Variants in PRDM16 observed in about 807,000 individuals in gnomAD.
PRDM16 encodes histone-lysine N-methyltransferase PRDM16.
Under a neutral mutation model 110.6 loss-of-function variants are expected in PRDM16, and 23 were observed. That is an observed-to-expected ratio of 0.21 (90% CI 0.15 to 0.29). The LOEUF (loss-of-function observed/expected upper bound fraction) is 0.29. Ranked by LOEUF, PRDM16 falls within the 10% of genes least tolerant of loss-of-function variation. The pLI is 1.00. For missense variants in PRDM16, 1,615 were observed against 1,794.3 expected (o/e 0.90, Z 1.81); for synonymous variants, 799 against 781.8 (o/e 1.02, Z -0.37).
rs1199919423 is a variant in PRDM16, at chr1:3,425,059, G to A, written c.2940-522G>A. ...CCAGCCAGCCACAGAACAGTAGGAG[G>A]GTGAACGCCTGCTTGCTTTTTTTTT... On this transcript the variant is annotated intron_variant, in intron 12 of 16. Coordinates refer to ENST00000270722, the MANE Select transcript of PRDM16 (RefSeq NM_022114.4). This position sits in a 1 kb window ranked among gnomAD's most constrained non-coding sequence, Gnocchi z 6.9. 6.3e-6 allele frequency: 1 copy of A among 158,108 alleles called. No homozygotes were observed. The highest frequency in any genetic ancestry group is 1.4e-5 in the Non-Finnish European group (1 of 72,468). 9.8% of individuals were successfully genotyped at this position (158,108 alleles called of 1,614,324 possible).
chr1:3,251,406 G>A (rs577722411), intron 3 of PRDM16, among the ~76,000 whole-genome samples: 67 of 152,298 alleles, frequency 4.4e-4, no homozygotes, highest in Middle Eastern at 3.4e-3. Context: ...CTGGGCACCC[G>A]GCGTGAGAAC....
chr1:3,241,073 G>A (rs1327902150), intron 2 of PRDM16, among the ~76,000 whole-genome samples: 1 of 152,244 alleles, frequency 6.6e-6, no homozygotes, highest in Non-Finnish European at 1.5e-5. Flanking sequence ...AGGCGAGGCT[G>A]GGGGAGCCGG....
intron 4 of PRDM16, among the ~76,000 whole-genome samples, chr1:3,385,543 A>T (rs1047702801): frequency 5.3e-5 from 8 of 152,134 alleles, no homozygotes; most frequent in African/African-American, 1.9e-4. Context: ...GAACCCCGAG[A>T]TGGTGGTTCA....
intron 1 of PRDM16, among the ~76,000 whole-genome samples, chr1:3,138,062 C>T (rs750511971): frequency 6.6e-6 from 1 of 152,216 alleles, no homozygotes; most frequent in Non-Finnish European, 1.5e-5. Context: ...CGTGTAAGTT[C>T]CCCCTGTGAA....
intron 3 of PRDM16, among the ~76,000 whole-genome samples, chr1:3,322,590 G>T (rs1270698381): frequency 6.6e-6 from 1 of 151,662 alleles, no homozygotes; most frequent in East Asian, 2.0e-4. Context: ...CTGCACGTCC[G>T]GTCTCCTCCC....
At chr1:3,286,437 C>G (rs903326175) in intron 3 of PRDM16, among the ~76,000 whole-genome samples, 2 of 152,154 alleles carry the variant, frequency 1.3e-5, no homozygotes, top group Non-Finnish European at 2.9e-5. Context: ...GTTCCTGTTT[C>G]CCATCAGCAC....
intron 1 of PRDM16, among the ~76,000 whole-genome samples, chr1:3,128,911 C>T (rs1417622609): frequency 3.3e-5 from 5 of 152,182 alleles, no homozygotes; most frequent in Admixed American, 2.0e-4. Flanking sequence ...GGTGGGGGTG[C>T]GCAGCCGTGG....
intron 1 of PRDM16, among the ~76,000 whole-genome samples, chr1:3,171,328 G>A (rs936032218): frequency 6.6e-6 from 1 of 152,226 alleles, no homozygotes; most frequent in Non-Finnish European, 1.5e-5. Context: ...GGCAGAGCCA[G>A]GGAAAGGGAA....
At position 3,069,245 on chromosome 1, in the gene PRDM16, C is replaced by T; in HGVS notation, c.-15C>T. Reference sequence around the variant, plus strand: ...GGACTCAAGGAGGAGGAGAGAGATTCCGCGAGCCGACACCATGCGATCCAA... The same window carrying T: ...GGACTCAAGGAGGAGGAGAGAGATTTCGCGAGCCGACACCATGCGATCCAA... On this transcript the variant is annotated 5_prime_UTR_variant, in exon 1 of 17. Transcript: ENST00000270722. This position sits in a 1 kb window ranked among gnomAD's most constrained non-coding sequence, Gnocchi z 6.1. 2 of 1,576,100 alleles carry T rather than the reference C, an allele frequency of 1.3e-6. No homozygotes were observed. The highest frequency in any genetic ancestry group is 1.7e-6 in the Non-Finnish European group (2 of 1,162,476).
At chr1:3,094,447 C>T (rs890897453) in intron 1 of PRDM16, among the ~76,000 whole-genome samples, 1 of 152,250 alleles carries the variant, frequency 6.6e-6, no homozygotes, top group Non-Finnish European at 1.5e-5. Flanking sequence ...CTGCTCATGC[C>T]GGACTGGCAG....
chr1:3,376,779 C>T (rs891005925), intron 3 of PRDM16, among the ~76,000 whole-genome samples: 56 of 151,220 alleles, frequency 3.7e-4, no homozygotes, highest in African/African-American at 1.2e-3. Context: ...CCTCCCACCT[C>T]CCTCTCAGCC....
intron 1 of PRDM16, among the ~76,000 whole-genome samples, chr1:3,129,343 TTGTG>T (rs374785379): frequency 9.1e-5 from 12 of 132,182 alleles, no homozygotes; most frequent in African/African-American, 3.2e-4. Flanking sequence ...TCCTGCCTGG[TTGTG>T]TGTGTGTGCG....
chr1:3,412,028 A>T lies in PRDM16; in HGVS notation c.1831A>T (p.Thr611Ser). 6.2e-7 allele frequency: 1 copy of T among 1,613,056 alleles called. No individual in the cohort carries two copies. ...TGACTTTGAGGACGTCAACACCACCACGGGGACCGACCTGGACACGACCAC... is the reference window on the plus strand; with the variant it reads ...TGACTTTGAGGACGTCAACACCACCTCGGGGACCGACCTGGACACGACCAC... ...GSDFEDVNTT[T>S]GTDLDTTTGT... Residue 611 changes from threonine to serine, a missense_variant, in exon 9 of 17, where the codon ACG becomes TCG. Physicochemically the swap from Thr to Ser is moderately conservative, Grantham distance 58. Around this residue, in one of 5 missense-constraint regions of PRDM16, gnomAD observed 772 missense variants for 748.3 expected, o/e 1.03. Coordinates refer to ENST00000270722, the MANE Select transcript of PRDM16 (RefSeq NM_022114.4).
chr1:3,285,714 T>C (rs1640830173), intron 3 of PRDM16, among the ~76,000 whole-genome samples: 1 of 152,194 alleles, frequency 6.6e-6, no homozygotes, highest in Non-Finnish European at 1.5e-5. Flanking sequence ...AATGGCTAGA[T>C]GAAGGTCTGC....
chr1:3,199,698 G>A (rs1168779842), intron 2 of PRDM16, among the ~76,000 whole-genome samples: 1 of 152,044 alleles, frequency 6.6e-6, no homozygotes, highest in African/African-American at 2.4e-5. Context: ...ATCGCTGGGG[G>A]CTGAGAAGCG....
chr1:3,427,910 G>A (rs1638657634), intron 14 of PRDM16, among the ~76,000 whole-genome samples: 1 of 152,182 alleles, frequency 6.6e-6, no homozygotes. Flanking sequence ...TGAGACAGCC[G>A]CATGGGAGCT....
At chr1:3,156,817 G>A (rs370065891) in intron 1 of PRDM16, among the ~76,000 whole-genome samples, 2 of 152,298 alleles carry the variant, frequency 1.3e-5, no homozygotes, top group South Asian at 2.1e-4. Context: ...AGCTCTTCGA[G>A]GGGGGAAGCA....
chr1:3,202,213 T>C (rs1431720042), intron 2 of PRDM16, among the ~76,000 whole-genome samples: 3 of 152,146 alleles, frequency 2.0e-5, no homozygotes, highest in Admixed American at 6.5e-5. Context: ...GAGGGGAAAC[T>C]GAGTCTGGGA....
Position 3,436,224 on chromosome 1 carries a change from C to T in PRDM16, c.*2413C>T, listed in dbSNP as rs146624384. On this transcript the variant is annotated 3_prime_UTR_variant, in exon 17 of 17. Coordinates refer to ENST00000270722, the MANE Select transcript of PRDM16 (RefSeq NM_022114.4). Reference sequence around the variant, plus strand: ...CTTTTTTTTTTTTGCAATATGACCCCGTCTCTCTGAAGTGGGACATTCGGA... The same window carrying T: ...CTTTTTTTTTTTTGCAATATGACCCTGTCTCTCTGAAGTGGGACATTCGGA... The T allele has an allele frequency of 0.013, 3,000 of 228,968 alleles. 36 individuals carry two copies. Among genetic ancestry groups the T allele is most frequent in the Middle Eastern group, 0.02 (15 of 766 alleles). The allele number at this position is 228,968 out of a possible 1,614,324, so 14.2% of individuals were successfully genotyped here.
Sources: allele counts gnomAD v4.1 joint callset (sites outside exome capture counted in the v4.1 genomes callset), GRCh38; gene constraint gnomAD v4.1.1; regional missense constraint gnomAD v4.1.1; non-coding constraint Gnocchi (gnomAD v3.1); transcripts MANE v1.5; gene names NCBI Gene and HGNC (gene_info 2026-07-23, HGNC 2026-07-21).